Variants in CCDC9B observed in about 807,000 individuals in gnomAD.
CCDC9B encodes the protein coiled-coil domain-containing protein 9B.
A neutral mutation model predicts 47.2 loss-of-function variants in CCDC9B; 40 were observed. That is an observed-to-expected ratio of 0.85 (90% CI 0.66 to 1.10). The LOEUF is 1.10. Among genes scored for constraint, CCDC9B ranks in the 50% least tolerant of loss-of-function variants. The pLI, the probability that CCDC9B is intolerant of heterozygous loss-of-function variation, is 0.00. For missense variants in CCDC9B, 662 were observed against 651.0 expected (o/e 1.02, Z -0.18); for synonymous variants, 238 against 250.7 (o/e 0.95, Z 0.48).
Position 40,335,808 on chromosome 15 carries a change from G to A in CCDC9B, c.906C>T (p.Asp302=), listed in dbSNP as rs746947935. 5.0e-6 allele frequency: 8 copies of A among 1,610,946 alleles called. No individual in the cohort carries two copies. The South Asian group carries it at 6.6e-5, about 13-fold the overall frequency. Reference sequence around the variant, plus strand: ...CCTCCTGACCTTCCAGCTCCTCCTTGTCTTCCTTCATATCCCACCTGTAGA... The same window carrying A: ...CCTCCTGACCTTCCAGCTCCTCCTTATCTTCCTTCATATCCCACCTGTAGA... ...GRARRWDMKE[D]KEELEGQEGS... Residue 302 remains aspartate, a synonymous_variant, in exon 10 of 11, where the codon GAC becomes GAT. Transcript: ENST00000397536.
rs200033474 is a variant in CCDC9B at position 40,340,828 on chromosome 15, C to A, written c.-9G>T. 4.3e-6 allele frequency: 7 copies of A among 1,609,406 alleles called. No individual in the cohort carries two copies. The highest frequency in any genetic ancestry group is 5.9e-6 in the Non-Finnish European group (7 of 1,178,506). On this transcript the variant is annotated 5_prime_UTR_variant, in exon 1 of 11. Transcript: ENST00000397536. ...CTCACAGCCGAGTGCATGGCAACGG[C>A]GGGCACCGAGAGAATTCCAGAGCAG...
intron 7 of CCDC9B, 34 bp downstream of exon 7, chr15:40,337,354 A>C (rs1480575360): frequency 6.2e-7 from 1 of 1,601,212 alleles, no homozygotes; most frequent in Non-Finnish European, 8.6e-7. Flanking sequence ...GAACAAAGCC[A>C]AGGAGGGGAG....
At chr15:40,340,398 G>C (rs186409846) in intron 1 of CCDC9B, 41 of 326,916 alleles carry the variant, frequency 1.3e-4, no homozygotes, top group African/African-American at 6.4e-4. Flanking sequence ...GGAGGTCGAG[G>C]GGGGAGCTGT....
chr15:40,338,718 G>C, intron 4 of CCDC9B, 30 bp downstream of exon 4: 1 of 1,610,102 alleles, frequency 6.2e-7, no homozygotes, highest in Non-Finnish European at 8.5e-7. Context: ...GCTGCCTGCC[G>C]ATGCCTGCAC....
intron 9 of CCDC9B, 105 bp downstream of exon 9, chr15:40,336,469 G>A (rs1888961474): frequency 6.8e-7 from 1 of 1,480,146 alleles, no homozygotes; most frequent in Non-Finnish European, 9.0e-7. Context: ...CAGTCAGCCA[G>A]GAGGCAGGGG....
At chr15:40,337,331 G>C (rs1888983884) in intron 7 of CCDC9B, 57 bp downstream of exon 7, 1 of 1,442,678 alleles carries the variant, frequency 6.9e-7, no homozygotes, top group African/African-American at 1.4e-5. Context: ...GAGAGGACAA[G>C]GGGGTGAAAG....
chr15:40,337,712 C>T lies in CCDC9B; in HGVS notation c.683+12G>A. ...CCGCACCACAGGCAACCTGCCCAACCCAGCCACCCACGTGGACTTGGCCTT... is the reference window on the plus strand; with the variant it reads ...CCGCACCACAGGCAACCTGCCCAACTCAGCCACCCACGTGGACTTGGCCTT... On this transcript the variant is annotated intron_variant, in intron 6 of 10. Transcript: ENST00000397536. The T allele has an allele frequency of 6.3e-7, 1 of 1,582,422 alleles. No homozygotes were observed. Among genetic ancestry groups the T allele is most frequent in the South Asian group, 1.1e-5 (1 of 87,386 alleles).
chr15:40,333,667 C>G lies in CCDC9B; in HGVS notation c.*1491G>C, dbSNP rs1888900157. 2 of 207,572 alleles carry G rather than the reference C, an allele frequency of 9.6e-6. No individual in the cohort carries two copies. Among genetic ancestry groups the G allele is most frequent in the African/African-American group, 2.4e-5 (1 of 41,262 alleles). The allele number at this position is 207,572 out of a possible 1,614,324, so 12.9% of individuals were successfully genotyped here. ...AAAGTATGAGAGACACTTCTCAAAA[C>G]AGTCTGGTCTGCTAAAGAGATGCCC... On this transcript the variant is annotated 3_prime_UTR_variant, in exon 11 of 11. Coordinates refer to ENST00000397536, the MANE Select transcript of CCDC9B (RefSeq NM_207380.3).
intron 9 of CCDC9B, 25 bp from the exon 10 acceptor site, chr15:40,335,851 G>A (rs766551573): frequency 2.5e-6 from 4 of 1,602,822 alleles, no homozygotes; most frequent in South Asian, 1.1e-5. Context: ...CTCATGGCAC[G>A]CCCCACCCCA....
intron 3 of CCDC9B, 94 bp from the exon 4 acceptor site, chr15:40,338,997 C>A: frequency 7.4e-7 from 1 of 1,349,836 alleles, no homozygotes; most frequent in Non-Finnish European, 1.1e-6. Flanking sequence ...GGGTTCCAAC[C>A]CCAGCCCTCC....
chr15:40,336,345 C>T (rs1005924377), intron 9 of CCDC9B: 5 of 985,424 alleles, frequency 5.1e-6, no homozygotes, highest in Non-Finnish European at 6.0e-6. Flanking sequence ...AGGCATACCT[C>T]ATTTCCCAGG....
chr15:40,332,705 C>G lies in CCDC9B; in HGVS notation c.*2453G>C, dbSNP rs926753138. The stretch of plus-strand genomic sequence containing the variant: ...GACTGTGAATCTTATAATTCAGATT[C>G]TTGATCACAATCATTTTTGGAGACA... On this transcript the variant is annotated 3_prime_UTR_variant, in exon 11 of 11. Transcript: ENST00000397536. 5 of 152,192 alleles carry G rather than the reference C, an allele frequency of 3.3e-5. No homozygotes were observed. Among genetic ancestry groups the G allele is most frequent in the African/African-American group, 1.2e-4 (5 of 41,426 alleles). The allele number at this position is 152,192 out of a possible 1,614,324, so 9.4% of individuals were successfully genotyped here. A position where few individuals can be genotyped will look rare whatever the true frequency, so the allele number is the denominator to read the frequency against.
rs946162024 is a variant in CCDC9B, at chr15:40,339,637, G to T, written c.124-18C>A. 1 of 1,611,974 alleles carries T rather than the reference G, an allele frequency of 6.2e-7. No homozygotes were observed. Among genetic ancestry groups the T allele is most frequent in the Non-Finnish European group, 8.5e-7 (1 of 1,179,862 alleles). ...TGGATCTCCTGTGGGAGGGCTGGGG[G>T]TCAGCACACGCCATGGCCCCCCAGG... is the stretch of plus-strand genomic sequence containing the variant. On this transcript the variant is annotated intron_variant, in intron 2 of 10. Transcript: ENST00000397536.
At chr15:40,335,991 A>C in intron 9 of CCDC9B, 165 bp from the exon 10 acceptor site, 1 of 985,276 alleles carries the variant, frequency 1.0e-6, no homozygotes, top group Non-Finnish European at 1.2e-6. Flanking sequence ...CCCAGGGGTG[A>C]CCCAGACTCT....
chr15:40,336,176 C>T lies in CCDC9B; in HGVS notation c.888-350G>A, dbSNP rs1032489439. 4.1e-5 allele frequency: 40 copies of T among 985,314 alleles called. No homozygotes were observed. The East Asian group carries it at 5.7e-4, about 14-fold the overall frequency. The allele number at this position is 985,314 out of a possible 1,614,324, so 61.0% of individuals were successfully genotyped here. ...AGAATGTGGCTCCAGGATGCTTCCCCCACCAAGCCTGACCTTGTTCCCTAA... is the reference window on the plus strand; with the variant it reads ...AGAATGTGGCTCCAGGATGCTTCCCTCACCAAGCCTGACCTTGTTCCCTAA... On this transcript the variant is annotated intron_variant, in intron 9 of 10. Coordinates refer to ENST00000397536, the MANE Select transcript of CCDC9B (RefSeq NM_207380.3).
chr15:40,338,126 G>A (rs371183800), intron 5 of CCDC9B: 34 of 724,502 alleles, frequency 4.7e-5, no homozygotes, highest in South Asian at 3.1e-4. Context: ...GAGGATCTCC[G>A]TAGCACCAAC....
chr15:40,339,221 A>C, intron 3 of CCDC9B: 1 of 582,040 alleles, frequency 1.7e-6, no homozygotes, highest in South Asian at 2.0e-5. Flanking sequence ...CACTTCCTGC[A>C]GGGTTTTAGC....
intron 9 of CCDC9B, 182 bp downstream of exon 9, chr15:40,336,392 G>A: frequency 1.0e-6 from 1 of 985,400 alleles, no homozygotes; most frequent in Non-Finnish European, 1.2e-6. Context: ...AGCCTCCCCG[G>A]GCACCAGGCT....
chr15:40,335,312 A>G lies in CCDC9B; in HGVS notation c.1319T>C (p.Leu440Pro). Reference protein sequence around the residue: ...TCPEPQRGAGLPEPGEDRSGK... With the variant: ...TCPEPQRGAGPPEPGEDRSGK... ...AGACCTGTCTTCTCCGGGCTCTGGGAGCCCTGCTCCTCTCTGTGGCTCAGG... is the reference window on the plus strand; with the variant it reads ...AGACCTGTCTTCTCCGGGCTCTGGGGGCCCTGCTCCTCTCTGTGGCTCAGG... Residue 440 changes from leucine to proline, a missense_variant, in exon 11 of 11, where the codon CTC (leucine) becomes CCC (proline). Leu to Pro is a moderately conservative substitution (Grantham distance 98). Coordinates refer to ENST00000397536, the MANE Select transcript of CCDC9B (RefSeq NM_207380.3). 1 of 1,613,280 alleles carries G rather than the reference A, an allele frequency of 6.2e-7. No individual in the cohort carries two copies. Among genetic ancestry groups the G allele is most frequent in the Non-Finnish European group, 8.5e-7 (1 of 1,179,680 alleles).
Sources: allele counts gnomAD v4.1 joint callset, GRCh38; gene constraint gnomAD v4.1.1; transcripts MANE v1.5; gene names NCBI Gene and HGNC (gene_info 2026-07-23, HGNC 2026-07-21).